The following RBFOX1 variants were observed in gnomAD, a reference collection of about 807,000 sequenced individuals.
The protein encoded by RBFOX1 is RNA binding fox-1 homolog 1.
Under a neutral mutation model 57.7 loss-of-function variants are expected in RBFOX1, and 8 were observed. The ratio of observed to expected loss-of-function variants is 0.14; its 90% CI spans 0.08 to 0.25. The LOEUF is 0.25. RBFOX1 is among the 10% of genes least tolerant of loss of function. The probability of loss-of-function intolerance (pLI) is 1.00; values close to 1 mark genes in which losing one functional copy is unlikely to be tolerated. For synonymous variants in RBFOX1, 326 were observed against 222.4 expected (o/e 1.47, Z -4.15); for missense variants, 611 against 548.5 (o/e 1.11, Z -1.14).
intron 2 of RBFOX1, among the ~76,000 whole-genome samples, chr16:6,587,867 G>A (rs1022984531): frequency 2.0e-5 from 3 of 152,004 alleles, no homozygotes; most frequent in Non-Finnish European, 4.4e-5. Flanking sequence ...ATATATATTG[G>A]ACAATTTGAA....
intron 14 of RBFOX1, among the ~76,000 whole-genome samples, chr16:7,702,603 A>G (rs2081118243): frequency 6.6e-6 from 1 of 152,230 alleles, no homozygotes; most frequent in African/African-American, 2.4e-5. Context: ...GCAGTGCTGC[A>G]GAACTCAGAA....
chr16:7,403,977 A>G (rs1018590126), intron 4 of RBFOX1, among the ~76,000 whole-genome samples: 1 of 150,588 alleles, frequency 6.6e-6, no homozygotes, highest in Admixed American at 6.6e-5. Context: ...TGTTTTTATT[A>G]TTGTGAATAT....
rs374141465 is a variant in RBFOX1, at chr16:5,948,240, TGTTA to T, written c.351+80909_351+80912del. Among the ~76,000 whole-genome samples, 794 of 152,060 alleles carry T rather than the reference TGTTA, an allele frequency of 5.2e-3. 6 individuals carry two copies. The highest frequency in any genetic ancestry group is 0.018 in the African/African-American group (766 of 41,456). On this transcript the variant is annotated intron_variant, in intron 4 of 19. Transcript: ENST00000641259. Reference sequence around the variant, plus strand: ...GCGCTGACCGAGCTGGGCAGGTGGGTGTTAGTTCTATGGAAGGCTTTGCTGCTGC... The same window carrying T: ...GCGCTGACCGAGCTGGGCAGGTGGGTGTTCTATGGAAGGCTTTGCTGCTGC...
chr16:6,609,610 T>G (rs2098009761), intron 2 of RBFOX1, among the ~76,000 whole-genome samples: 1 of 152,212 alleles, frequency 6.6e-6, no homozygotes, highest in South Asian at 2.1e-4. Context: ...AAAAATTTGT[T>G]TATTTCTTTA....
chr16:7,328,443 G>A (rs1027378223), intron 4 of RBFOX1, among the ~76,000 whole-genome samples: 4 of 130,920 alleles, frequency 3.1e-5, no homozygotes, highest in Non-Finnish European at 4.6e-5. Flanking sequence ...TCATGCCATT[G>A]CACTCTAGCC....
intron 2 of RBFOX1, among the ~76,000 whole-genome samples, chr16:6,370,347 G>C (rs1378118878): frequency 9.6e-6 from 1 of 104,428 alleles, no homozygotes; most frequent in Non-Finnish European, 1.7e-5. Context: ...GACAGATAGA[G>C]ACTCCGTCTC....
At chr16:6,834,109 G>C (rs1260999762) in intron 3 of RBFOX1, among the ~76,000 whole-genome samples, 2 of 151,828 alleles carry the variant, frequency 1.3e-5, no homozygotes, top group African/African-American at 2.4e-5. Flanking sequence ...CTTTCGCCCG[G>C]GCTGGTGTGC....
At chr16:7,558,288 C>A (rs570551380) in intron 5 of RBFOX1, among the ~76,000 whole-genome samples, 1 of 151,888 alleles carries the variant, frequency 6.6e-6, no homozygotes, top group African/African-American at 2.4e-5. Context: ...TGGGAGGTCG[C>A]GGCTGCAGTG....
intron 4 of RBFOX1, among the ~76,000 whole-genome samples, chr16:7,250,511 G>C (rs6500939): frequency 0.68 from 103,835 of 152,148 alleles, 36,996 homozygotes; most frequent in African/African-American, 0.88. Flanking sequence ...CACTTACCTT[G>C]TCTCTGCTTT....
chr16:6,213,833 T>A (rs1013956725), intron 1 of RBFOX1, among the ~76,000 whole-genome samples: 1 of 152,182 alleles, frequency 6.6e-6, no homozygotes, highest in Admixed American at 6.5e-5. Flanking sequence ...CTGTTGACAT[T>A]TGGAACTGGA....
At chr16:7,256,823 G>A (rs898965799) in intron 4 of RBFOX1, among the ~76,000 whole-genome samples, 3 of 152,076 alleles carry the variant, frequency 2.0e-5, no homozygotes, top group Non-Finnish European at 4.4e-5. Flanking sequence ...ACCGTTCTAC[G>A]CACACATCTT....
intron 3 of RBFOX1, among the ~76,000 whole-genome samples, chr16:6,864,102 C>T (rs765406460): frequency 2.7e-4 from 40 of 150,452 alleles, no homozygotes; most frequent in Non-Finnish European, 2.4e-4. Flanking sequence ...ATAAAAGTGA[C>T]AAAGAAGAAA....
intron 10 of RBFOX1, among the ~76,000 whole-genome samples, chr16:7,622,631 T>G (rs1443543106): frequency 1.3e-5 from 2 of 151,132 alleles, no homozygotes; most frequent in South Asian, 4.2e-4. Flanking sequence ...ATTTTTTTTT[T>G]GAATATTATG....
At chr16:7,003,798 G>C (rs533240550) in intron 3 of RBFOX1, among the ~76,000 whole-genome samples, 53 of 152,232 alleles carry the variant, frequency 3.5e-4, no homozygotes, top group African/African-American at 1.3e-3. Flanking sequence ...TTTGGGATGA[G>C]ACTAAAGGAC....
At chr16:5,586,432 A>G (rs2046831070) in intron 2 of RBFOX1, among the ~76,000 whole-genome samples, 2 of 152,150 alleles carry the variant, frequency 1.3e-5, no homozygotes, top group South Asian at 4.1e-4. Context: ...TATATATGTT[A>G]TTTCATTTAC....
At chr16:5,873,114 C>A (rs558354420) in intron 4 of RBFOX1, among the ~76,000 whole-genome samples, 1 of 152,258 alleles carries the variant, frequency 6.6e-6, no homozygotes, top group East Asian at 1.9e-4. Context: ...CATGCCACTG[C>A]ATAGTCCAGC....
At chr16:7,624,219 T>G (rs1223105411) in intron 10 of RBFOX1, among the ~76,000 whole-genome samples, 1 of 152,234 alleles carries the variant, frequency 6.6e-6, no homozygotes, top group African/African-American at 2.4e-5. Flanking sequence ...AAAAGCTTTT[T>G]CTTTATGTAG....
chr16:5,983,251 G>A (rs958656789), intron 4 of RBFOX1, among the ~76,000 whole-genome samples: 3 of 152,200 alleles, frequency 2.0e-5, no homozygotes, highest in African/African-American at 7.2e-5. Context: ...CATTGTGTGC[G>A]CCACTGAATT....
rs934289852 is a variant in RBFOX1 at position 6,890,700 on chromosome 16, G to A, written c.-15-161357G>A. 4.6e-5 allele frequency among the ~76,000 whole-genome samples: 7 copies of A among 152,100 alleles called. No homozygotes were observed. The East Asian group carries it at 7.7e-4, about 17-fold the overall frequency. ...CTGTCCCCAGTTTCCTGGGATTTCC[G>A]TATGAATAGCATATTCCAAGTGGAG... is the stretch of plus-strand genomic sequence containing the variant. On this transcript the variant is annotated intron_variant, in intron 3 of 15. Transcript: ENST00000550418.
Sources: gnomAD v4.1 joint callset for allele counts (sites outside exome capture counted in the v4.1 genomes callset) on GRCh38, gnomAD v4.1.1 for gene constraint, MANE v1.5 for transcripts, NCBI Gene and HGNC (gene_info 2026-07-23, HGNC 2026-07-21) for gene names.